IL21R: variants seen among roughly 807,000 people sequenced by gnomAD.
IL21R encodes interleukin 21 receptor.
IL21R carries 14 observed loss-of-function variants against 41.3 expected under a neutral mutation model. The ratio of observed to expected loss-of-function variants is 0.34; its 90% CI spans 0.22 to 0.53. The LOEUF (loss-of-function observed/expected upper bound fraction) is 0.53, where lower values mean the gene tolerates loss of function less well. Among genes scored for constraint, IL21R ranks in the 20% least tolerant of loss-of-function variants. The pLI is 0.94. For synonymous variants in IL21R, 286 were observed against 287.6 expected (o/e 0.99, Z 0.05); for missense variants, 588 against 681.6 (o/e 0.86, Z 1.53).
intron 1 of IL21R, among the ~76,000 whole-genome samples, chr16:27,410,058 A>G (rs1369908273): frequency 6.6e-6 from 1 of 152,172 alleles, no homozygotes; most frequent in Non-Finnish European, 1.5e-5. Context: ...TACATCAACT[A>G]GGTGCAGTGG....
chr16:27,430,030 C>T (rs769297739), intron 1 of IL21R, 26 bp from the exon 2 acceptor site: 12 of 1,600,842 alleles, frequency 7.5e-6, no homozygotes, highest in East Asian at 2.2e-5. Flanking sequence ...CCGCCTGGCT[C>T]ACCCTCCACT....
chr16:27,412,250 C>T (rs2086833379), intron 1 of IL21R, among the ~76,000 whole-genome samples: 1 of 152,108 alleles, frequency 6.6e-6, no homozygotes, highest in South Asian at 2.1e-4. Context: ...ACTATATACA[C>T]AAGGGTTTAT....
At chr16:27,440,506 C>T (rs969506842) in intron 4 of IL21R, among the ~76,000 whole-genome samples, 1 of 152,068 alleles carries the variant, frequency 6.6e-6, no homozygotes, top group Non-Finnish European at 1.5e-5. Flanking sequence ...CACCTGGCCT[C>T]AAGCAATCCT....
chr16:27,448,786 G>C lies in IL21R; in HGVS notation c.1120G>C (p.Val374Leu). The C allele has an allele frequency of 6.2e-7, 1 of 1,613,646 alleles. No individual in the cohort carries two copies. Among genetic ancestry groups the C allele is most frequent in the Non-Finnish European group, 8.5e-7 (1 of 1,180,036 alleles). Residue 374 changes from valine to leucine, a missense_variant, in exon 9 of 9, where the codon GTG becomes CTG. By Grantham distance (32) the Val-to-Leu change is conservative. Transcript: ENST00000337929. ...GGAGAGGGATCGGCCATACGGCCTG[G>C]TGTCCATTGACACAGTGACTGTGCT... Reference protein sequence around the residue: ...SEERDRPYGLVSIDTVTVLDA... With the variant: ...SEERDRPYGLLSIDTVTVLDA...
At chr16:27,429,236 A>G (rs561275353) in intron 1 of IL21R, among the ~76,000 whole-genome samples, 1 of 76,060 alleles carries the variant, frequency 1.3e-5, no homozygotes, top group African/African-American at 5.3e-5. Context: ...AAATAAACAT[A>G]AAAAAGCCAA....
chr16:27,404,978 G>C (rs2086717525), intron 1 of IL21R, among the ~76,000 whole-genome samples: 1 of 152,092 alleles, frequency 6.6e-6, no homozygotes, highest in Non-Finnish European at 1.5e-5. Flanking sequence ...GAAGGCAAAA[G>C]AGCTGGGCAC....
intron 1 of IL21R, among the ~76,000 whole-genome samples, chr16:27,428,485 TC>T (rs1322325209): frequency 1.3e-5 from 2 of 152,258 alleles, no homozygotes; most frequent in Non-Finnish European, 2.9e-5. Context: ...GCATGGGGCA[TC>T]CCTCTTAGGT....
chr16:27,441,575 T>C (rs1009277054), intron 4 of IL21R, among the ~76,000 whole-genome samples: 3 of 152,176 alleles, frequency 2.0e-5, no homozygotes, highest in Non-Finnish European at 2.9e-5. Flanking sequence ...ACCATTAGCA[T>C]TCATGCTAAG....
chr16:27,445,356 A>C (rs2087459138), intron 7 of IL21R, 80 bp downstream of exon 7: 1 of 863,554 alleles, frequency 1.2e-6, no homozygotes, highest in African/African-American at 1.7e-5. Context: ...GGGTTGGAAA[A>C]CATGACTGTC....
rs1434105902 is a variant in IL21R at position 27,429,265 on chromosome 16, C to T, written c.-16-791C>T. The stretch of plus-strand genomic sequence containing the variant: ...AAGCCAATTTACTGGCTTTTTTTTA[C>T]AACATGGATGTTTATAGGAAGGAAG... On this transcript the variant is annotated intron_variant, in intron 1 of 8. Transcript: ENST00000337929. Among the ~76,000 whole-genome samples, 6 of 151,994 alleles carry T rather than the reference C, an allele frequency of 3.9e-5. No homozygotes were observed. In the East Asian group the frequency reaches 9.7e-4, roughly 25 times the overall value.
At chr16:27,411,548 C>T (rs1290342368) in intron 1 of IL21R, among the ~76,000 whole-genome samples, 5 of 149,238 alleles carry the variant, frequency 3.4e-5, no homozygotes, top group Middle Eastern at 3.2e-3. Context: ...CTGCAACCTC[C>T]GCCTCCCAGG....
Position 27,421,922 on chromosome 16 carries a change from A to G in IL21R, c.-16-8134A>G, listed in dbSNP as rs148680243. ...TGTTTTATAAAAGTCACAAGAGTGA[A>G]CATACTTGTCTTGTTCATGATCTTA... On this transcript the variant is annotated intron_variant, in intron 1 of 8. Coordinates refer to ENST00000337929, the MANE Select transcript of IL21R (RefSeq NM_181078.3). Among the ~76,000 whole-genome samples the G allele has an allele frequency of 8.9e-3, 1,358 of 152,212 alleles. 22 individuals are homozygous for G. The highest frequency in any genetic ancestry group is 0.041 in the Admixed American group (622 of 15,286).
At chr16:27,435,364 C>G (rs150021053) in intron 3 of IL21R, among the ~76,000 whole-genome samples, 216 of 152,334 alleles carry the variant, frequency 1.4e-3, no homozygotes, top group African/African-American at 4.4e-3. Context: ...TGCCTTGGAA[C>G]TGACGTACCA....
intron 1 of IL21R, among the ~76,000 whole-genome samples, chr16:27,408,206 G>A (rs925826023): frequency 6.6e-6 from 1 of 152,192 alleles, no homozygotes; most frequent in African/African-American, 2.4e-5. Context: ...ATGCTCTTTG[G>A]AGAGGTCAAA....
intron 8 of IL21R, 104 bp from the exon 9 acceptor site, chr16:27,448,430 G>A (rs921809526): frequency 2.4e-6 from 3 of 1,235,498 alleles, no homozygotes; most frequent in East Asian, 2.5e-5. Context: ...ATTCCAGCCT[G>A]GGCAGCAGAG....
At chr16:27,409,617 A>ACAT (rs10682334) in intron 1 of IL21R, among the ~76,000 whole-genome samples, 118,486 of 151,890 alleles carry the variant, frequency 0.78, 47,262 homozygotes, top group East Asian at 0.99. Flanking sequence ...ATTTAAGAAA[A>ACAT]CATGTTTTCT....
At chr16:27,422,518 A>G (rs1317951010) in intron 1 of IL21R, among the ~76,000 whole-genome samples, 1 of 152,024 alleles carries the variant, frequency 6.6e-6, no homozygotes, top group African/African-American at 2.4e-5. Context: ...CTATTGACCA[A>G]TCTTCCAGTT....
chr16:27,417,839 C>T (rs1009003824), intron 1 of IL21R, among the ~76,000 whole-genome samples: 4 of 152,056 alleles, frequency 2.6e-5, no homozygotes, highest in Admixed American at 6.5e-5. Context: ...TTGCAGGATT[C>T]GAAGTTGCTC....
intron 2 of IL21R, among the ~76,000 whole-genome samples, chr16:27,432,430 C>T (rs2087190577): frequency 1.3e-5 from 2 of 152,206 alleles, no homozygotes; most frequent in African/African-American, 4.8e-5. Context: ...GGCTCTCTGC[C>T]CTGTGGCTGG....
Sources: allele counts gnomAD v4.1 joint callset (sites outside exome capture counted in the v4.1 genomes callset), GRCh38; gene constraint gnomAD v4.1.1; transcripts MANE v1.5; gene names NCBI Gene and HGNC (gene_info 2026-07-23, HGNC 2026-07-21).